GPR107: variants seen among roughly 807,000 people sequenced by gnomAD.
GPR107 encodes protein GPR107.
In GPR107, 31 loss-of-function variants were observed where a neutral mutation model predicts 75.5. That is an observed-to-expected ratio of 0.41 (90% CI 0.31 to 0.55). GPR107 has a LOEUF of 0.55. GPR107 is among the 20% of genes least tolerant of loss of function. The probability of loss-of-function intolerance (pLI) is 0.26; values close to 1 mark genes in which losing one functional copy is unlikely to be tolerated. For missense variants in GPR107, 572 were observed against 665.7 expected (o/e 0.86, Z 1.55); for synonymous variants, 267 against 251.3 (o/e 1.06, Z -0.59).
At chr9:130,126,449 G>A (rs1434948876) in intron 15 of GPR107, among the ~76,000 whole-genome samples, 1 of 150,458 alleles carries the variant, frequency 6.6e-6, no homozygotes, top group Non-Finnish European at 1.5e-5. Context: ...GGGTTCAAGC[G>A]ATTCTCTTGC....
intron 13 of GPR107, among the ~76,000 whole-genome samples, chr9:130,106,375 G>A (rs1831155630): frequency 6.6e-6 from 1 of 151,978 alleles, no homozygotes; most frequent in South Asian, 2.1e-4. Flanking sequence ...GAGGTGGGCG[G>A]ATCACGAGGT....
At chr9:130,080,356 T>C (rs1053426670) in intron 5 of GPR107, among the ~76,000 whole-genome samples, 5 of 152,240 alleles carry the variant, frequency 3.3e-5, no homozygotes, top group Admixed American at 6.5e-5. Flanking sequence ...TGTGGATTTA[T>C]ATTCTTATCA....
chr9:130,074,409 G>A (rs4836688), intron 1 of GPR107, among the ~76,000 whole-genome samples: 148,998 of 152,328 alleles, frequency 0.98, 72,894 homozygotes, highest in East Asian at 1. Context: ...TCAAATTGCA[G>A]ACTTACGGAA....
chr9:130,108,676 C>G, intron 14 of GPR107: 1 of 454,508 alleles, frequency 2.2e-6, no homozygotes, highest in South Asian at 1.6e-5. Context: ...CTCCCAAGGC[C>G]CACTCAGCTT....
chr9:130,110,480 C>G, intron 14 of GPR107: 1 of 875,272 alleles, frequency 1.1e-6, no homozygotes, highest in Non-Finnish European at 1.9e-6. Context: ...TAAGGAAGCA[C>G]CCATTTCTCA....
intron 1 of GPR107, among the ~76,000 whole-genome samples, chr9:130,057,066 C>T (rs2132527560): frequency 6.6e-6 from 1 of 151,926 alleles, no homozygotes; most frequent in Non-Finnish European, 1.5e-5. Flanking sequence ...TGAAGAGAGC[C>T]TGTCAGAGCA....
rs887277485 is a variant in GPR107 at position 130,098,796 on chromosome 9, T to C, written c.864-661T>C. On this transcript the variant is annotated intron_variant, in intron 9 of 17. Coordinates refer to ENST00000347136, the MANE Select transcript of GPR107 (RefSeq NM_020960.5). Reference sequence around the variant, plus strand: ...GCAGAGGCGGGTGGATTACTTGAAGTTACAAGTTCAAGATCAGCCTGGCCA... The same window carrying C: ...GCAGAGGCGGGTGGATTACTTGAAGCTACAAGTTCAAGATCAGCCTGGCCA... 5.9e-5 allele frequency among the ~76,000 whole-genome samples: 9 copies of C among 152,090 alleles called. No individual in the cohort carries two copies. In the South Asian group the frequency reaches 1.9e-3, roughly 32 times the overall value.
In GPR107 at chr9:130,053,909, G is replaced by C; in HGVS notation, c.-24G>C. 3.2e-6 allele frequency: 5 copies of C among 1,553,612 alleles called. No individual in the cohort carries two copies. Among genetic ancestry groups the C allele is most frequent in the Non-Finnish European group, 4.3e-6 (5 of 1,150,158 alleles). On this transcript the variant is annotated 5_prime_UTR_variant, in exon 1 of 18. Transcript: ENST00000347136. ...ACCCCGGACGTGGGCGGGAGAGGAA[G>C]CGGCTGGTGATGCTGGAACAAACAT...
rs1830720213 is a variant in GPR107, at chr9:130,091,002, T to C, written c.729+19T>C. The C allele has an allele frequency of 5.2e-6, 5 of 967,708 alleles. No individual in the cohort carries two copies. The highest frequency in any genetic ancestry group is 1.3e-5 in the South Asian group (1 of 75,814). The allele number at this position is 967,708 out of a possible 1,614,324, so 59.9% of individuals were successfully genotyped here. A position where few individuals can be genotyped will look rare whatever the true frequency, so the allele number is the denominator to read the frequency against. On this transcript the variant is annotated intron_variant, in intron 8 of 17. Transcript: ENST00000347136. ...CCTTGATGTGAGTACTGTTTGGAGA[T>C]TGTTCTACGTGGATTTTGTCAGCAT...
intron 9 of GPR107, 68 bp from the exon 10 acceptor site, chr9:130,099,389 T>A: frequency 1.2e-6 from 1 of 861,062 alleles, no homozygotes; most frequent in Non-Finnish European, 2.0e-6. Flanking sequence ...ATAGCTAATG[T>A]CTGGAGCTTT....
chr9:130,101,040 G>A (rs1359969862), intron 11 of GPR107, 66 bp from the exon 12 acceptor site: 10 of 904,350 alleles, frequency 1.1e-5, no homozygotes, highest in African/African-American at 1.6e-5. Flanking sequence ...AATGAGCTAT[G>A]CAATCTAACT....
At position 130,079,519 on chromosome 9, in the gene GPR107, T is replaced by C. The variant is rs555549081; in HGVS notation, c.387-111T>C. ...AGAATGTGGATAATAGAATCTACAT[T>C]GTAGAACATGATAAGGACTGCATGA... On this transcript the variant is annotated intron_variant, in intron 4 of 17. Transcript: ENST00000347136. 8 of 780,184 alleles carry C rather than the reference T, an allele frequency of 1.0e-5. No homozygotes were observed. The African/African-American group carries it at 1.2e-4, about 12-fold the overall frequency. The allele number at this position is 780,184 out of a possible 1,614,324, so 48.3% of individuals were successfully genotyped here. A position where few individuals can be genotyped will look rare whatever the true frequency, so the allele number is the denominator to read the frequency against.
At chr9:130,071,527 G>A (rs1003254318) in intron 1 of GPR107, among the ~76,000 whole-genome samples, 1 of 152,012 alleles carries the variant, frequency 6.6e-6, no homozygotes, top group East Asian at 1.9e-4. Flanking sequence ...TGTCTTCATC[G>A]CTACCGTGGG....
chr9:130,059,756 T>TTTTTA (rs1829881499), intron 1 of GPR107, among the ~76,000 whole-genome samples: 1 of 143,632 alleles, frequency 7.0e-6, no homozygotes, highest in African/African-American at 2.6e-5. Flanking sequence ...TTTTTTTTTT[T>TTTTTA]GAGATGGAGT....
intron 5 of GPR107, among the ~76,000 whole-genome samples, chr9:130,080,734 GC>G (rs1589496066): frequency 1.3e-5 from 2 of 150,966 alleles, no homozygotes; most frequent in East Asian, 3.9e-4. Flanking sequence ...CTCGTGATCC[GC>G]CCGCCTCGGC....
intron 5 of GPR107, among the ~76,000 whole-genome samples, chr9:130,081,544 G>A (rs553784633): frequency 2.9e-4 from 44 of 152,100 alleles, no homozygotes; most frequent in African/African-American, 1.0e-3. Flanking sequence ...ATGGTGGCAC[G>A]TGCCTGTGAT....
chr9:130,072,343 C>T (rs1255220142), intron 1 of GPR107, among the ~76,000 whole-genome samples: 1 of 151,956 alleles, frequency 6.6e-6, no homozygotes, highest in African/African-American at 2.4e-5. Flanking sequence ...CCTCAGCCTC[C>T]CGAGTAGCTG....
Position 130,090,872 on chromosome 9 carries a change from T to G in GPR107, c.622-4T>G, listed in dbSNP as rs1166022376. On this transcript the variant is annotated splice_polypyrimidine_tract_variant and splice_region_variant and intron_variant, in intron 7 of 17. Transcript: ENST00000347136. Reference sequence around the variant, plus strand: ...CCTTTAAATGTTTTCTTCTTCACTTTCAGTTTTTCTTTAACATCAGCACTG... The same window carrying G: ...CCTTTAAATGTTTTCTTCTTCACTTGCAGTTTTTCTTTAACATCAGCACTG... 5 of 1,085,424 alleles carry G rather than the reference T, an allele frequency of 4.6e-6. No homozygotes were observed. Among genetic ancestry groups the G allele is most frequent in the Admixed American group, 2.1e-5 (1 of 48,636 alleles). 67.2% of individuals were successfully genotyped at this position (1,085,424 alleles called of 1,614,324 possible).
intron 14 of GPR107, among the ~76,000 whole-genome samples, chr9:130,113,081 T>C (rs570256765): frequency 3.7e-4 from 57 of 152,254 alleles, no homozygotes; most frequent in Non-Finnish European, 1.2e-4. Context: ...ATGACTGTTA[T>C]GGTGACACAG....
Sources: gnomAD v4.1 joint callset for allele counts (sites outside exome capture counted in the v4.1 genomes callset) on GRCh38, gnomAD v4.1.1 for gene constraint, MANE v1.5 for transcripts, NCBI Gene and HGNC (gene_info 2026-07-23, HGNC 2026-07-21) for gene names.